The following CCDC3 variants were observed in gnomAD, a reference collection of about 807,000 sequenced individuals.
CCDC3 encodes coiled-coil domain-containing protein 3.
Under a neutral mutation model 21.4 loss-of-function variants are expected in CCDC3, and 24 were observed. That is an observed-to-expected ratio of 1.12 (90% confidence interval 0.81 to 1.58). The LOEUF (loss-of-function observed/expected upper bound fraction) is 1.58. Among genes scored for constraint, CCDC3 ranks in the 40% most tolerant of loss-of-function variants. The pLI is 0.00. For missense variants in CCDC3, 425 were observed against 360.9 expected, an observed-to-expected ratio of 1.18 and a Z score of -1.44; for synonymous variants, 186 against 166.0, an observed-to-expected ratio of 1.12 and a Z score of -0.93.
chr10:12,958,002 T>A (rs1043217508), intron 2 of CCDC3, among the ~76,000 whole-genome samples: 2 of 152,002 alleles, frequency 1.3e-5, no homozygotes, highest in Non-Finnish European at 1.5e-5. Flanking sequence ...AATTTTTGTA[T>A]TTGTAGTAGA....
At chr10:13,001,153 G>A (rs1258483425) in intron 1 of CCDC3, 44 bp downstream of exon 1, 1 of 1,529,552 alleles carries the variant, frequency 6.5e-7, no homozygotes, top group South Asian at 1.2e-5. Context: ...CTCGGGAGGT[G>A]GCGCAGAGAG....
chr10:13,045,439 C>T (rs2131421269), intron 5 of CCDC3, among the ~76,000 whole-genome samples: 1 of 152,156 alleles, frequency 6.6e-6, no homozygotes, highest in East Asian at 1.9e-4. Flanking sequence ...ACCATCCTGG[C>T]TAACAAAGTG....
At chr10:13,088,033 C>T (rs942909784) in intron 3 of CCDC3, among the ~76,000 whole-genome samples, 2 of 152,152 alleles carry the variant, frequency 1.3e-5, no homozygotes, top group African/African-American at 4.8e-5. Context: ...CTTGGGAAGA[C>T]GCAGCTTCAC....
intron 3 of CCDC3, among the ~76,000 whole-genome samples, chr10:13,078,535 A>ATAC (rs1371072672): frequency 6.6e-6 from 1 of 152,256 alleles, no homozygotes; most frequent in African/African-American, 2.4e-5. Context: ...ATTGTAAATT[A>ATAC]TACTACTATA....
chr10:13,051,195 A>G (rs1181429649), intron 4 of CCDC3, among the ~76,000 whole-genome samples: 2 of 152,080 alleles, frequency 1.3e-5, no homozygotes, highest in African/African-American at 4.8e-5. Flanking sequence ...GACTTACTCT[A>G]TTCTATCTTA....
At chr10:13,014,446 T>C (rs1176343281) in intron 5 of CCDC3, among the ~76,000 whole-genome samples, 3 of 114,804 alleles carry the variant, frequency 2.6e-5, no homozygotes, top group Admixed American at 1.1e-4. Flanking sequence ...TGAGACTCTG[T>C]CTCAAAAAAA....
chr10:12,899,172 G>T (rs1473440608), intron 2 of CCDC3, among the ~76,000 whole-genome samples: 1 of 152,036 alleles, frequency 6.6e-6, no homozygotes, highest in African/African-American at 2.4e-5. Context: ...GCTCCCTTTA[G>T]CTGGGCTGGC....
intron 2 of CCDC3, among the ~76,000 whole-genome samples, chr10:12,940,062 A>G (rs1465355134): frequency 1.3e-5 from 2 of 152,174 alleles, no homozygotes; most frequent in African/African-American, 2.4e-5. Flanking sequence ...TATCTGACCT[A>G]AATGTCTAAA....
chr10:12,927,892 T>A (rs1834570683), intron 2 of CCDC3, among the ~76,000 whole-genome samples: 1 of 152,208 alleles, frequency 6.6e-6, no homozygotes, highest in Non-Finnish European at 1.5e-5. Flanking sequence ...ATTCTATCAA[T>A]CTCAAACTAC....
intron 2 of CCDC3, among the ~76,000 whole-genome samples, chr10:12,982,273 TTA>T (rs1353772623): frequency 6.6e-6 from 1 of 151,738 alleles, no homozygotes; most frequent in African/African-American, 2.4e-5. Flanking sequence ...ATGATTCCAC[TTA>T]TATAAGGGAT....
intron 4 of CCDC3, among the ~76,000 whole-genome samples, chr10:13,071,782 A>T (rs1409101451): frequency 6.6e-6 from 1 of 152,152 alleles, no homozygotes; most frequent in Non-Finnish European, 1.5e-5. Flanking sequence ...ATGGGTAGCC[A>T]TTCATCTTCA....
intron 2 of CCDC3, among the ~76,000 whole-genome samples, chr10:12,900,599 G>A (rs1191096381): frequency 6.7e-6 from 1 of 148,242 alleles, no homozygotes; most frequent in Non-Finnish European, 1.5e-5. Flanking sequence ...GCTGAGGCAG[G>A]AGAATGGCGT....
chr10:13,059,118 T>C (rs1836719942), intron 4 of CCDC3, among the ~76,000 whole-genome samples: 1 of 152,194 alleles, frequency 6.6e-6, no homozygotes. Context: ...CGTAGACTTA[T>C]TGCTGGCATA....
intron 5 of CCDC3, among the ~76,000 whole-genome samples, chr10:13,045,861 T>C (rs1016848638): frequency 6.7e-6 from 1 of 149,076 alleles, no homozygotes; most frequent in Non-Finnish European, 1.5e-5. Context: ...GAGGCCGAGA[T>C]GGGGGGATCA....
At chr10:13,099,465 C>T (rs1391000008) in intron 1 of CCDC3, 1 of 149,224 alleles carries the variant, frequency 6.7e-6, no homozygotes, top group Non-Finnish European at 1.5e-5. Flanking sequence ...GCAGCGCTAC[C>T]CGGGTACTCT....
upstream of CCDC3, among the ~76,000 whole-genome samples, chr10:13,006,196 G>A (rs1803522263): frequency 6.6e-6 from 1 of 152,230 alleles, no homozygotes; most frequent in African/African-American, 2.4e-5. Context: ...CAGGAGAATT[G>A]ACATAGCCTG....
intron 2 of CCDC3, among the ~76,000 whole-genome samples, chr10:12,932,624 GTCC>G (rs937263387): frequency 1.3e-5 from 2 of 151,964 alleles, no homozygotes; most frequent in African/African-American, 2.4e-5. Flanking sequence ...GTTTTATGTC[GTCC>G]TCCTCAATCT....
At chr10:13,075,696 T>G (rs1008189547) in intron 3 of CCDC3, among the ~76,000 whole-genome samples, 1 of 152,186 alleles carries the variant, frequency 6.6e-6, no homozygotes, top group East Asian at 1.9e-4. Context: ...CTCAATATAC[T>G]TTTCAAAAAT....
At chr10:12,915,967 C>T (rs1834346723) in intron 2 of CCDC3, among the ~76,000 whole-genome samples, 1 of 152,010 alleles carries the variant, frequency 6.6e-6, no homozygotes, top group Admixed American at 6.6e-5. Flanking sequence ...GTACCTGGAG[C>T]CATGGGGGCT....
Sources: gnomAD v4.1 joint callset for allele counts (sites outside exome capture counted in the v4.1 genomes callset) on GRCh38, gnomAD v4.1.1 for gene constraint, MANE v1.5 for transcripts, NCBI Gene and HGNC (gene_info 2026-07-23, HGNC 2026-07-21) for gene names.